Variants in SYT10 observed in about 807,000 individuals in gnomAD.
The protein encoded by SYT10 is synaptotagmin 10.
Under a neutral mutation model 51.1 loss-of-function variants are expected in SYT10, and 31 were observed. That is an observed-to-expected ratio of 0.61 (90% CI 0.46 to 0.82). The LOEUF is 0.82. Among genes scored for constraint, SYT10 ranks in the 40% least tolerant of loss-of-function variants. The probability of loss-of-function intolerance (pLI) is 0.00; values close to 1 mark genes in which losing one functional copy is unlikely to be tolerated. For missense variants in SYT10, 603 were observed against 634.0 expected (o/e 0.95, Z 0.53); for synonymous variants, 233 against 225.9 (o/e 1.03, Z -0.28).
At chr12:33,398,121 T>G (rs1866272441) in intron 3 of SYT10, among the ~76,000 whole-genome samples, 1 of 152,028 alleles carries the variant, frequency 6.6e-6, no homozygotes, top group South Asian at 2.1e-4. Context: ...AAATCCTCAA[T>G]GAATGTGTGA....
chr12:33,407,149 G>A lies in SYT10; in HGVS notation c.717C>T (p.Leu239=), dbSNP rs1425995379. The A allele has an allele frequency of 6.2e-7, 1 of 1,614,044 alleles. No individual in the cohort carries two copies. Among genetic ancestry groups the A allele is most frequent in the Non-Finnish European group, 8.5e-7 (1 of 1,180,002 alleles). ...VKICGKLNFT[L]QYDYENELLV... is the part of the protein sequence containing the mutation. ...GAAGTTCATTTTCATAATCATACTG[G>A]AGGGTAAAGTTAAGTTTCCCACAGA... The change falls in exon 3 of 7, where the codon CTC becomes CTT. Residue 239 remains leucine (L), a synonymous_variant. Coordinates refer to ENST00000228567, the MANE Select transcript of SYT10 (RefSeq NM_198992.4).
chr12:33,404,676 G>T (rs758515032), intron 3 of SYT10, among the ~76,000 whole-genome samples: 1 of 152,172 alleles, frequency 6.6e-6, no homozygotes, highest in Non-Finnish European at 1.5e-5. Flanking sequence ...ACAGGCATGA[G>T]CCACCACACC....
chr12:33,388,091 G>A (rs374377971), intron 3 of SYT10, among the ~76,000 whole-genome samples: 1 of 149,916 alleles, frequency 6.7e-6, no homozygotes, highest in South Asian at 2.1e-4. Context: ...AAGACAGCAA[G>A]TAAAAATAGC....
Position 33,433,508 on chromosome 12 carries a change from ATATT to A in SYT10, c.151+5860_151+5863del, listed in dbSNP as rs1400212764. The stretch of plus-strand genomic sequence containing the variant: ...AATTTATAAACATATGAAAGGAACT[ATATT>A]TAGGATTATATGCGTTCAAAGTCGT... On this transcript the variant is annotated intron_variant, in intron 1 of 6. Transcript: ENST00000228567. Among the ~76,000 whole-genome samples the A allele has an allele frequency of 3.3e-5, 5 of 152,326 alleles. No homozygotes were observed. In the South Asian group the frequency reaches 6.2e-4, roughly 19 times the overall value.
rs1055042630 is a variant in SYT10 at position 33,376,465 on chromosome 12, T to C, written c.*365A>G. ...TATAACAAAATCAAACCCATACATA[T>C]ATGACATGTGCTACTTTATACAATA... On this transcript the variant is annotated 3_prime_UTR_variant, in exon 7 of 7. Transcript: ENST00000228567. The C allele has an allele frequency of 9.7e-6, 2 of 205,406 alleles. No individual in the cohort carries two copies. Among genetic ancestry groups the C allele is most frequent in the Non-Finnish European group, 1.0e-5 (1 of 99,566 alleles). 12.7% of individuals were successfully genotyped at this position (205,406 alleles called of 1,614,324 possible).
intron 2 of SYT10, among the ~76,000 whole-genome samples, chr12:33,419,334 TATGAC>T (rs1325816332): frequency 6.6e-6 from 1 of 152,188 alleles, no homozygotes; most frequent in African/African-American, 2.4e-5. Flanking sequence ...GAAAAATGTC[TATGAC>T]ATAAGTGTTC....
At chr12:33,378,841 TG>T (rs1866088218) in intron 6 of SYT10, among the ~76,000 whole-genome samples, 1 of 147,324 alleles carries the variant, frequency 6.8e-6, no homozygotes, top group Admixed American at 6.7e-5. Flanking sequence ...TGTGTGTGTG[TG>T]TGTGTGTTTG....
rs1253419036 is a variant in SYT10 at position 33,375,070 on chromosome 12, A to T, written c.*1760T>A. The T allele has an allele frequency of 7.2e-5, 11 of 151,986 alleles. No individual in the cohort carries two copies. Among genetic ancestry groups the T allele is most frequent in the East Asian group, 5.8e-4 (3 of 5,178 alleles). 9.4% of individuals were successfully genotyped at this position (151,986 alleles called of 1,614,324 possible). On this transcript the variant is annotated 3_prime_UTR_variant, in exon 7 of 7. Transcript: ENST00000228567. ...GTCATCTTTCATTTTACCTATAGCA[A>T]ATAATTCTTTTAGGCTCGACAAGGT...
intron 3 of SYT10, chr12:33,405,244 T>C (rs1432790858): frequency 6.6e-6 from 1 of 152,104 alleles, no homozygotes; most frequent in Non-Finnish European, 1.5e-5. Flanking sequence ...AGAAATAATC[T>C]AACAATTAAT....
At position 33,439,763 on chromosome 12, in the gene SYT10, C is replaced by T. The variant is rs1866670297; in HGVS notation, c.-241G>A. ...GCGGCTGCCGCGAGGTTTGCGCCAACTCTCCCGCCGCGCGAGCGAGCCGAG... is the reference window on the plus strand; with the variant it reads ...GCGGCTGCCGCGAGGTTTGCGCCAATTCTCCCGCCGCGCGAGCGAGCCGAG... On this transcript the variant is annotated 5_prime_UTR_variant, in exon 1 of 7. Transcript: ENST00000228567. The T allele has an allele frequency of 1.2e-5, 6 of 516,892 alleles. No homozygotes were observed. The highest frequency in any genetic ancestry group is 2.0e-5 in the Non-Finnish European group (6 of 294,896). 32.0% of individuals were successfully genotyped at this position (516,892 alleles called of 1,614,324 possible).
chr12:33,424,792 A>G (rs1165763262), intron 2 of SYT10, among the ~76,000 whole-genome samples: 6 of 151,956 alleles, frequency 3.9e-5, no homozygotes, highest in Non-Finnish European at 7.4e-5. Context: ...ATATTTATTG[A>G]GTTACATTAC....
At chr12:33,430,211 T>C (rs1445941654) in intron 1 of SYT10, among the ~76,000 whole-genome samples, 2 of 152,244 alleles carry the variant, frequency 1.3e-5, no homozygotes, top group Admixed American at 6.5e-5. Flanking sequence ...TGTCTGACTA[T>C]ATATCTCTAA....
At chr12:33,394,541 T>C (rs1866237500) in intron 3 of SYT10, among the ~76,000 whole-genome samples, 1 of 152,242 alleles carries the variant, frequency 6.6e-6, no homozygotes, top group South Asian at 2.1e-4. Context: ...ATGTCAGGGA[T>C]AACTGACAAT....
rs527434196 is a variant in SYT10, at chr12:33,416,067, C to T, written c.510-8711G>A. On this transcript the variant is annotated intron_variant, in intron 2 of 6. Transcript: ENST00000228567. The stretch of plus-strand genomic sequence containing the variant: ...AGTTTCCTCTTGACCCCCATTACCA[C>T]TTCACACCATTCTCTTTTATTTGTT... Among the ~76,000 whole-genome samples the T allele has an allele frequency of 1.6e-4, 21 of 130,062 alleles. No homozygotes were observed. In the Admixed American group the frequency reaches 1.7e-3, roughly 11 times the overall value. 85.3% of individuals were successfully genotyped at this position (130,062 alleles called of 152,430 possible).
intron 3 of SYT10, among the ~76,000 whole-genome samples, chr12:33,406,130 A>G (rs754328057): frequency 2.6e-5 from 4 of 152,110 alleles, no homozygotes; most frequent in Non-Finnish European, 5.9e-5. Context: ...TTTTAATTTT[A>G]TGCTATGTGT....
intron 3 of SYT10, among the ~76,000 whole-genome samples, chr12:33,388,021 C>T (rs1250096687): frequency 1.3e-5 from 2 of 151,934 alleles, no homozygotes; most frequent in Non-Finnish European, 2.9e-5. Flanking sequence ...GGGTTACAGG[C>T]GGGTCCAATC....
intron 6 of SYT10, among the ~76,000 whole-genome samples, chr12:33,377,937 G>A (rs1444801132): frequency 2.6e-5 from 4 of 152,116 alleles, no homozygotes; most frequent in South Asian, 2.1e-4. Context: ...TGAGGAACCC[G>A]ATTTTCTACA....
Position 33,382,501 on chromosome 12 carries a change from G to A in SYT10, c.1218C>T (p.Ser406=). 1.9e-6 allele frequency: 3 copies of A among 1,606,878 alleles called. No individual in the cohort carries two copies. The highest frequency in any genetic ancestry group is 2.2e-5 in the East Asian group (1 of 44,508). Residue 406 remains serine, a synonymous_variant, in exon 5 of 7, where the codon TCC becomes TCT. Transcript: ENST00000228567. The stretch of plus-strand genomic sequence containing the variant: ...TTAATCTTCGACCTTCACACATCAG[G>A]GACACTTTGACATAAGGATCTAGGA... ...TGSSDPYVKV[S]LMCEGRRLKK...
At chr12:33,423,338 T>C (rs1191286719) in intron 2 of SYT10, among the ~76,000 whole-genome samples, 2 of 148,664 alleles carry the variant, frequency 1.3e-5, no homozygotes, top group Admixed American at 6.7e-5. Context: ...GTGTGTGTTA[T>C]GTGTGTGTGT....
Sources: gnomAD v4.1 joint callset for allele counts (sites outside exome capture counted in the v4.1 genomes callset) on GRCh38, gnomAD v4.1.1 for gene constraint, MANE v1.5 for transcripts, NCBI Gene and HGNC (gene_info 2026-07-23, HGNC 2026-07-21) for gene names.